The following SPAG16 variants were observed in gnomAD, a reference collection of about 807,000 sequenced individuals.
SPAG16 encodes sperm associated antigen 16, also known as sperm-associated antigen 16 protein.
A neutral mutation model predicts 80.4 loss-of-function variants in SPAG16; 86 were observed. That is an observed-to-expected ratio of 1.07 (90% CI 0.90 to 1.28). The LOEUF (loss-of-function observed/expected upper bound fraction) is 1.28, where lower values mean the gene tolerates loss of function less well. SPAG16 is among the 50% of genes most tolerant of loss of function. The probability of loss-of-function intolerance (pLI) is 0.00; values close to 1 mark genes in which losing one functional copy is unlikely to be tolerated. For synonymous variants in SPAG16, 294 were observed against 265.9 expected, an observed-to-expected ratio of 1.11 and a Z score of -1.03; for missense variants, 870 against 765.3, an observed-to-expected ratio of 1.14 and a Z score of -1.61.
chr2:214,041,244 A>G (rs75054223), intron 13 of SPAG16, among the ~76,000 whole-genome samples: 1 of 151,598 alleles, frequency 6.6e-6, no homozygotes, highest in African/African-American at 2.4e-5. Context: ...TCCATACCTC[A>G]AAGTGTTTGT....
intron 15 of SPAG16, among the ~76,000 whole-genome samples, chr2:214,262,578 T>A (rs1474974379): frequency 6.6e-6 from 1 of 152,072 alleles, no homozygotes; most frequent in East Asian, 1.9e-4. Flanking sequence ...GATGATGAAA[T>A]TTTTAAGATC....
intron 15 of SPAG16, among the ~76,000 whole-genome samples, chr2:214,315,381 G>A (rs16851742): frequency 0.051 from 7,818 of 152,152 alleles, 661 homozygotes; most frequent in African/African-American, 0.18. Flanking sequence ...AAAAGGTTCT[G>A]TGTTGGCATT....
intron 10 of SPAG16, among the ~76,000 whole-genome samples, chr2:213,837,187 T>C (rs1320999165): frequency 6.6e-6 from 1 of 152,250 alleles, no homozygotes; most frequent in Admixed American, 6.5e-5. Flanking sequence ...TATGTATCCA[T>C]ATAATACTCC....
At chr2:214,060,088 A>T (rs759683777) in intron 13 of SPAG16, among the ~76,000 whole-genome samples, 13 of 152,270 alleles carry the variant, frequency 8.5e-5, no homozygotes, top group Admixed American at 2.6e-4. Context: ...GGGATCAAGC[A>T]ACCTTTGAAA....
intron 15 of SPAG16, among the ~76,000 whole-genome samples, chr2:214,260,968 G>C (rs536902334): frequency 2.4e-4 from 37 of 151,776 alleles, no homozygotes; most frequent in African/African-American, 8.9e-4. Flanking sequence ...TTAGCCGGGC[G>C]TGGTGGTGGG....
At chr2:214,230,073 A>G (rs1688584069) in intron 15 of SPAG16, among the ~76,000 whole-genome samples, 1 of 151,934 alleles carries the variant, frequency 6.6e-6, no homozygotes, top group African/African-American at 2.4e-5. Flanking sequence ...TGATTTCCCT[A>G]AATTTTCAGT....
chr2:214,003,794 C>T (rs902643062), intron 12 of SPAG16, among the ~76,000 whole-genome samples: 3 of 152,170 alleles, frequency 2.0e-5, no homozygotes, highest in Middle Eastern at 3.2e-3. Flanking sequence ...GACAACAGCA[C>T]TATCACTTGT....
chr2:213,798,164 T>C (rs191791634), intron 10 of SPAG16, among the ~76,000 whole-genome samples: 4 of 152,346 alleles, frequency 2.6e-5, no homozygotes. Flanking sequence ...TCTTTTGTTA[T>C]TGACTTGTAA....
chr2:214,000,524 A>G (rs1441931158), intron 12 of SPAG16, among the ~76,000 whole-genome samples: 4 of 152,222 alleles, frequency 2.6e-5, no homozygotes, highest in Non-Finnish European at 4.4e-5. Context: ...TTTCATTAAA[A>G]ATAAATATTT....
intron 10 of SPAG16, among the ~76,000 whole-genome samples, chr2:213,537,097 G>A (rs1207336002): frequency 1.4e-5 from 2 of 146,444 alleles, no homozygotes; most frequent in Non-Finnish European, 3.0e-5. Context: ...TCACTCATAG[G>A]TGGGAACTGA....
At position 214,174,727 on chromosome 2, in the gene SPAG16, C is replaced by T. The variant is rs141546993; in HGVS notation, c.1720+25461C>T. ...TTTCAGTAGCCCAGGATGGCAAAGG[C>T]TGTTCCATTTTCAGTATTTAGCTTC... On this transcript the variant is annotated intron_variant, in intron 15 of 15. Transcript: ENST00000331683. Among the ~76,000 whole-genome samples the T allele has an allele frequency of 2.8e-3, 429 of 151,788 alleles. 5 individuals carry two copies. The highest frequency in any genetic ancestry group is 0.022 in the South Asian group (105 of 4,826).
chr2:213,562,487 C>T (rs1240704539), intron 10 of SPAG16, among the ~76,000 whole-genome samples: 1 of 152,180 alleles, frequency 6.6e-6, no homozygotes, highest in Non-Finnish European at 1.5e-5. Context: ...ATATCATAAA[C>T]TGGGTAGCTT....
intron 15 of SPAG16, among the ~76,000 whole-genome samples, chr2:214,237,712 A>G (rs1324208924): frequency 1.3e-5 from 2 of 152,074 alleles, no homozygotes; most frequent in African/African-American, 4.8e-5. Flanking sequence ...GGGAGTAACT[A>G]TATCTTTACT....
chr2:213,611,123 C>T (rs2061427635), intron 10 of SPAG16, among the ~76,000 whole-genome samples: 1 of 152,138 alleles, frequency 6.6e-6, no homozygotes. Flanking sequence ...CATTTCTGTA[C>T]CCCACTAGGG....
chr2:213,465,884 C>T (rs1330795541), intron 9 of SPAG16, among the ~76,000 whole-genome samples: 2 of 152,138 alleles, frequency 1.3e-5, no homozygotes, highest in East Asian at 1.9e-4. Flanking sequence ...TTGAAGTATG[C>T]AAAGTATTGT....
intron 10 of SPAG16, among the ~76,000 whole-genome samples, chr2:213,719,253 G>C (rs2066401665): frequency 6.6e-6 from 1 of 152,004 alleles, no homozygotes; most frequent in East Asian, 1.9e-4. Flanking sequence ...GGGCCTTGGA[G>C]AACCTTTATG....
chr2:213,566,660 A>C (rs1487293694), intron 10 of SPAG16, among the ~76,000 whole-genome samples: 1 of 152,178 alleles, frequency 6.6e-6, no homozygotes, highest in Non-Finnish European at 1.5e-5. Flanking sequence ...AATCAATTAG[A>C]ATTTTTAATT....
intron 11 of SPAG16, among the ~76,000 whole-genome samples, chr2:213,867,162 C>T (rs2372297): frequency 0.24 from 36,859 of 152,120 alleles, 5,105 homozygotes; most frequent in South Asian, 0.37. Context: ...TGTAACTCAT[C>T]ATTATTACAT....
At chr2:213,354,324 G>A (rs538820749) in intron 7 of SPAG16, among the ~76,000 whole-genome samples, 2 of 152,258 alleles carry the variant, frequency 1.3e-5, no homozygotes, top group Admixed American at 1.3e-4. Context: ...CCTTGCTATT[G>A]TGAACGGTGC....
Sources: gnomAD v4.1 joint callset for allele counts (sites outside exome capture counted in the v4.1 genomes callset) on GRCh38, gnomAD v4.1.1 for gene constraint, MANE v1.5 for transcripts, NCBI Gene and HGNC (gene_info 2026-07-23, HGNC 2026-07-21) for gene names.